The following KDM4B variants were observed in gnomAD, a reference collection of about 807,000 sequenced individuals.
KDM4B encodes lysine-specific demethylase 4B.
In KDM4B, 32 loss-of-function variants were observed where a neutral mutation model predicts 125.2. The observed-to-expected ratio is 0.26, with a 90% CI of 0.19 to 0.34. The LOEUF (loss-of-function observed/expected upper bound fraction) is 0.34. Ranked by LOEUF, KDM4B falls within the 10% of genes least tolerant of loss-of-function variation. The pLI, the probability that KDM4B is intolerant of heterozygous loss-of-function variation, is 1.00. For missense variants in KDM4B, 1,190 were observed against 1,577.7 expected, an observed-to-expected ratio of 0.75 and a Z score of 4.16; for synonymous variants, 721 against 677.9, an observed-to-expected ratio of 1.06 and a Z score of -0.99.
intron 1 of KDM4B, among the ~76,000 whole-genome samples, chr19:4,979,755 A>G (rs1231156497): frequency 6.6e-6 from 1 of 152,230 alleles, no homozygotes; most frequent in Non-Finnish European, 1.5e-5. Flanking sequence ...ATTTTAAAAA[A>G]TATATATTTT....
chr19:5,144,751 A>G (rs368659219), intron 20 of KDM4B, 32 bp from the exon 21 acceptor site: 5 of 1,613,158 alleles, frequency 3.1e-6, no homozygotes, highest in Middle Eastern at 3.3e-4. Context: ...TAGTGTGGCC[A>G]GGACCTCACC....
intron 5 of KDM4B, among the ~76,000 whole-genome samples, chr19:5,042,687 G>C (rs1274966645): frequency 2.0e-5 from 3 of 151,468 alleles, no homozygotes; most frequent in East Asian, 2.0e-4. Context: ...AGTGAGGGGG[G>C]GGGCGCCGTA....
At chr19:5,137,021 C>T (rs1000273433) in intron 15 of KDM4B, among the ~76,000 whole-genome samples, 7 of 152,200 alleles carry the variant, frequency 4.6e-5, no homozygotes, top group Middle Eastern at 3.2e-3. Flanking sequence ...TCCCCTCCTG[C>T]GTCCTCTTTC....
intron 6 of KDM4B, among the ~76,000 whole-genome samples, chr19:5,053,164 C>T (rs1056389093): frequency 5.9e-5 from 9 of 152,268 alleles, no homozygotes; most frequent in Admixed American, 1.3e-4. Flanking sequence ...GTCACCAGAA[C>T]AAGATGCAGG....
intron 11 of KDM4B, among the ~76,000 whole-genome samples, chr19:5,129,267 G>A (rs958334366): frequency 6.6e-6 from 1 of 152,164 alleles, no homozygotes; most frequent in African/African-American, 2.4e-5. Context: ...GTGGGGCAGT[G>A]TGGCTTCCTC....
intron 10 of KDM4B, chr19:5,113,455 CT>C (rs1301437145): frequency 1.3e-5 from 2 of 153,866 alleles, no homozygotes; most frequent in Non-Finnish European, 1.4e-5. Context: ...CGGTTCCCCC[CT>C]GAGCAGTGCC....
rs763709452 is a variant in KDM4B at position 5,134,074 on chromosome 19, G to A, written c.2085+13G>A. On this transcript the variant is annotated intron_variant, in intron 14 of 22. Coordinates refer to ENST00000159111, the MANE Select transcript of KDM4B (RefSeq NM_015015.3). ...CCCCTACTGCCAGGTGGGCAGGCGGGCCTCACGGGTCCCAGAGAACCCCAG... is the reference window on the plus strand; with the variant it reads ...CCCCTACTGCCAGGTGGGCAGGCGGACCTCACGGGTCCCAGAGAACCCCAG... 16 of 1,575,976 alleles carry A rather than the reference G, an allele frequency of 1.0e-5. No individual in the cohort carries two copies. Among genetic ancestry groups the A allele is most frequent in the Non-Finnish European group, 1.4e-5 (16 of 1,159,768 alleles).
At position 5,131,976 on chromosome 19, in the gene KDM4B, G is replaced by A. The variant is rs368874344; in HGVS notation, c.1875G>A (p.Ser625=). 4.5e-5 allele frequency: 72 copies of A among 1,610,964 alleles called. No individual in the cohort carries two copies. The African/African-American group carries it at 4.9e-4, about 11-fold the overall frequency. Residue 625 remains serine (S), a synonymous_variant, in exon 13 of 23, where the codon TCG becomes TCA. Coordinates refer to ENST00000159111, the MANE Select transcript of KDM4B (RefSeq NM_015015.3). The part of the protein sequence containing the change: ...LGRPPTRSPL[S]VVKQEASSDE... ...GGCCGCCCACCCGGTCCCCACTGTC[G>A]GTGGTGAAGCAGGAGGCCTCAAGTG...
chr19:5,117,058 T>G (rs1473578553), intron 10 of KDM4B, among the ~76,000 whole-genome samples: 3 of 152,132 alleles, frequency 2.0e-5, no homozygotes, highest in Non-Finnish European at 4.4e-5. Context: ...TTGCTGTGTC[T>G]GTGCCGCCCT....
At chr19:5,070,257 C>T (rs972092076) in intron 6 of KDM4B, among the ~76,000 whole-genome samples, 106 of 152,160 alleles carry the variant, frequency 7.0e-4, no homozygotes, top group African/African-American at 2.6e-3. Context: ...CCCGTTGGCA[C>T]TGGGGCTTCT....
At chr19:5,144,976 C>T in intron 21 of KDM4B, 74 bp downstream of exon 21, 1 of 1,586,962 alleles carries the variant, frequency 6.3e-7, no homozygotes, top group Non-Finnish European at 8.6e-7. Flanking sequence ...AGGAGGATCA[C>T]ACCCCTGGCC....
intron 2 of KDM4B, among the ~76,000 whole-genome samples, chr19:5,031,166 G>A (rs767416441): frequency 5.3e-5 from 8 of 152,356 alleles, no homozygotes; most frequent in South Asian, 2.1e-4. Flanking sequence ...CAGGTGCAGC[G>A]TTGGGGGGAT....
chr19:5,081,740 T>C lies in KDM4B; in HGVS notation c.781-627T>C, dbSNP rs940605238. 6.6e-6 allele frequency among the ~76,000 whole-genome samples: 1 copy of C among 152,150 alleles called. No individual in the cohort carries two copies. The highest frequency in any genetic ancestry group is 1.5e-5 in the Non-Finnish European group (1 of 68,020). ...CTTCATGGAGATCCCCTTGTTGAGA[T>C]ACAATTGAAAGATGGCTTGGGATGG... On this transcript the variant is annotated intron_variant, in intron 8 of 22. Coordinates refer to ENST00000159111, the MANE Select transcript of KDM4B (RefSeq NM_015015.3). The surrounding 1 kb of genome is among the most constrained non-coding windows in gnomAD (Gnocchi z 4.2).
intron 9 of KDM4B, among the ~76,000 whole-genome samples, chr19:5,091,023 A>G (rs1326132567): frequency 6.6e-6 from 1 of 152,154 alleles, no homozygotes; most frequent in Non-Finnish European, 1.5e-5. Context: ...TGGGATTACT[A>G]ATGGGGCAGA....
chr19:5,049,769 G>C (rs1197050431), intron 6 of KDM4B, among the ~76,000 whole-genome samples: 1 of 152,154 alleles, frequency 6.6e-6, no homozygotes, highest in African/African-American at 2.4e-5. Context: ...GCAGATGGTA[G>C]GGGCCCTGGT....
At position 5,122,052 on chromosome 19, in the gene KDM4B, C is replaced by T. The variant is rs765337624; in HGVS notation, c.1315+2200C>T. 1.2e-4 allele frequency among the ~76,000 whole-genome samples: 19 copies of T among 152,122 alleles called. 1 individual carries two copies. The highest frequency in any genetic ancestry group is 7.9e-4 in the Admixed American group (12 of 15,276). On this transcript the variant is annotated intron_variant, in intron 11 of 22. Transcript: ENST00000159111. ...AAATGAAGGACCATGACCTTGGTGG[C>T]GTAAAACAACACACGCTCCTTGTCT... is the stretch of plus-strand genomic sequence containing the variant.
rs200239322 is a variant in KDM4B at position 5,082,531 on chromosome 19, T to C, written c.918+27T>C. 114 of 1,558,760 alleles carry C rather than the reference T, an allele frequency of 7.3e-5. No individual in the cohort carries two copies. The East Asian group carries it at 2.6e-3, about 35-fold the overall frequency. ...TAAAAGCTTGCCTGCTGGGAACGGG[T>C]CCCAGCAGGGCGGGAGGAGGCTCTT... On this transcript the variant is annotated intron_variant, in intron 9 of 22. Coordinates refer to ENST00000159111, the MANE Select transcript of KDM4B (RefSeq NM_015015.3). The surrounding 1 kb of genome is among the most constrained non-coding windows in gnomAD (Gnocchi z 5.4).
chr19:5,063,538 G>A (rs2037671124), intron 6 of KDM4B, among the ~76,000 whole-genome samples: 1 of 152,166 alleles, frequency 6.6e-6, no homozygotes, highest in Admixed American at 6.5e-5. Flanking sequence ...CTGTGACCTG[G>A]TCTCTTCAGG....
rs755137841 is a variant in KDM4B at position 5,132,019 on chromosome 19, G to C, written c.1906+12G>C. ...CTCAAGTGACGAGGGTGAGTGGGGG[G>C]TCCCCAGGTCGGCTCTCATCAGCCC... On this transcript the variant is annotated intron_variant, in intron 13 of 22. Coordinates refer to ENST00000159111, the MANE Select transcript of KDM4B (RefSeq NM_015015.3). 6.3e-7 allele frequency: 1 copy of C among 1,597,604 alleles called. No homozygotes were observed. Among genetic ancestry groups the C allele is most frequent in the African/African-American group, 1.3e-5 (1 of 74,800 alleles).
Sources: allele counts gnomAD v4.1 joint callset (sites outside exome capture counted in the v4.1 genomes callset), GRCh38; gene constraint gnomAD v4.1.1; non-coding constraint Gnocchi (gnomAD v3.1); transcripts MANE v1.5; gene names NCBI Gene and HGNC (gene_info 2026-07-23, HGNC 2026-07-21).